The following GALNT9 variants were observed in gnomAD, a reference collection of about 807,000 sequenced individuals.
GALNT9 encodes the protein GalNAc transferase 9.
In GALNT9, 47 loss-of-function variants were observed where a neutral mutation model predicts 63.1. That is an observed-to-expected ratio of 0.75 (90% CI 0.59 to 0.95). GALNT9 has a LOEUF of 0.95. Ranked by LOEUF, GALNT9 falls within the 40% of genes least tolerant of loss-of-function variation. The probability of loss-of-function intolerance (pLI) is 0.00; values close to 1 mark genes in which losing one functional copy is unlikely to be tolerated. For synonymous variants in GALNT9, 396 were observed against 365.7 expected (o/e 1.08, Z -0.94); for missense variants, 829 against 874.8 (o/e 0.95, Z 0.66).
chr12:132,293,587 CAAAGCACAA>C (rs1314078581), intron 1 of GALNT9, among the ~76,000 whole-genome samples: 1 of 152,174 alleles, frequency 6.6e-6, no homozygotes, highest in Non-Finnish European at 1.5e-5. Flanking sequence ...TTGAAATCAC[CAAAGCACAA>C]AAAGCACAAA....
At position 132,319,189 on chromosome 12, in the gene GALNT9, G is replaced by T. The variant is rs1555245930; in HGVS notation, c.238+9777C>A. On this transcript the variant is annotated intron_variant, in intron 1 of 10. Transcript: ENST00000328957. The surrounding 1 kb of genome is among the most constrained non-coding windows in gnomAD (Gnocchi z 5.2). ...GAGGGCCTTGGATGCCCAGGTGGCT[G>T]GAAGTATTGCTTCCAGGTGCGTCTG... Among the ~76,000 whole-genome samples, 1 of 152,210 alleles carries T rather than the reference G, an allele frequency of 6.6e-6. No homozygotes were observed. The highest frequency in any genetic ancestry group is 2.4e-5 in the African/African-American group (1 of 41,454).
Position 132,196,959 on chromosome 12 carries a change from G to A in GALNT9, c.*148C>T, listed in dbSNP as rs760630401. 5.3e-5 allele frequency: 79 copies of A among 1,481,578 alleles called. No homozygotes were observed. Among genetic ancestry groups the A allele is most frequent in the Non-Finnish European group, 6.6e-5 (74 of 1,121,188 alleles). 91.8% of individuals were successfully genotyped at this position (1,481,578 alleles called of 1,614,324 possible). On this transcript the variant is annotated 3_prime_UTR_variant, in exon 11 of 11. Transcript: ENST00000328957. Reference sequence around the variant, plus strand: ...CAGTGGGTGACACCCTGGTCACTCAGCCACACCCCGGCCCCTCAGCCTCTG... The same window carrying A: ...CAGTGGGTGACACCCTGGTCACTCAACCACACCCCGGCCCCTCAGCCTCTG...
At position 132,252,290 on chromosome 12, in the gene GALNT9, T is replaced by C. The variant is rs1053687451; in HGVS notation, c.960-4263A>G. On this transcript the variant is annotated intron_variant, in intron 5 of 10. Transcript: ENST00000328957. This position sits in a 1 kb window ranked among gnomAD's most constrained non-coding sequence, Gnocchi z 5.2. ...GGAAGGGCAGAGAGTCCCAGGCACATGGGCACCTCCTGCAGCCGCATCCCC... is the reference window on the plus strand; with the variant it reads ...GGAAGGGCAGAGAGTCCCAGGCACACGGGCACCTCCTGCAGCCGCATCCCC... Among the ~76,000 whole-genome samples, 18 of 152,158 alleles carry C rather than the reference T, an allele frequency of 1.2e-4. No homozygotes were observed. The highest frequency in any genetic ancestry group is 2.5e-4 in the Non-Finnish European group (17 of 68,008).
At chr12:132,328,043 A>G (rs1869115966) in intron 1 of GALNT9, among the ~76,000 whole-genome samples, 1 of 152,170 alleles carries the variant, frequency 6.6e-6, no homozygotes, top group Admixed American at 6.5e-5. Context: ...TCGGCACGGA[A>G]CGGAAAGCCA....
At chr12:132,301,801 C>T (rs537667158) in intron 1 of GALNT9, among the ~76,000 whole-genome samples, 20 of 152,186 alleles carry the variant, frequency 1.3e-4, no homozygotes, top group Admixed American at 9.8e-4. Flanking sequence ...CAGGGGGGCA[C>T]GGAACATTTG....
chr12:132,305,091 A>G (rs189460976), intron 1 of GALNT9, among the ~76,000 whole-genome samples: 14 of 69,386 alleles, frequency 2.0e-4, no homozygotes, highest in African/African-American at 4.1e-4. Context: ...GCACACCCTC[A>G]CCCGGGCACA....
In GALNT9 at chr12:132,257,728, T is replaced by C. The variant is rs782001596; in HGVS notation, c.920A>G (p.Gln307Arg). The change falls in exon 5 of 11, where the codon CAG becomes CGG. Residue 307 changes from glutamine to arginine, a missense_variant. Gln to Arg is a conservative substitution (Grantham distance 43). Transcript: ENST00000328957. ...GLWCMYIIPP[Q>R]DWLDRGDESA... The stretch of plus-strand genomic sequence containing the variant: ...CTCGTCGCCGCGGTCCAGCCAGTCC[T>C]GCGGGGGGATGATGTACATGCACCA... 6 of 1,550,136 alleles carry C rather than the reference T, an allele frequency of 3.9e-6. No homozygotes were observed. In the African/African-American group the frequency reaches 5.5e-5, roughly 14 times the overall value.
Position 132,236,638 on chromosome 12 carries a change from T to G in GALNT9, c.1077+11272A>C, listed in dbSNP as rs1878013388. 6.6e-6 allele frequency among the ~76,000 whole-genome samples: 1 copy of G among 152,180 alleles called. No individual in the cohort carries two copies. Among genetic ancestry groups the G allele is most frequent in the Non-Finnish European group, 1.5e-5 (1 of 68,022 alleles). ...GAGTCCACCCTTATCTGTACCTGGT[T>G]AAAATAATCAGCGAAAACCAAAGCC... On this transcript the variant is annotated intron_variant, in intron 6 of 10. Transcript: ENST00000328957. The surrounding 1 kb of genome is among the most constrained non-coding windows in gnomAD (Gnocchi z 5.6).
At position 132,252,151 on chromosome 12, in the gene GALNT9, C is replaced by G. The variant is rs1276856347; in HGVS notation, c.960-4124G>C. Among the ~76,000 whole-genome samples, 1 of 152,164 alleles carries G rather than the reference C, an allele frequency of 6.6e-6. No individual in the cohort carries two copies. Among genetic ancestry groups the G allele is most frequent in the Non-Finnish European group, 1.5e-5 (1 of 68,034 alleles). On this transcript the variant is annotated intron_variant, in intron 5 of 10. Transcript: ENST00000328957. This position sits in a 1 kb window ranked among gnomAD's most constrained non-coding sequence, Gnocchi z 5.2. Reference sequence around the variant, plus strand: ...CAACAGGGCAGCCACCTCCACAGGCCCAGGCAGTGAGGCCACACTCCTGCC... The same window carrying G: ...CAACAGGGCAGCCACCTCCACAGGCGCAGGCAGTGAGGCCACACTCCTGCC...
At position 132,197,777 on chromosome 12, in the gene GALNT9, T is replaced by G; in HGVS notation, c.1665+15A>C. On this transcript the variant is annotated intron_variant, in intron 10 of 10. Transcript: ENST00000328957. ...CCCGCCCCAACCCCACGGCCCCCCT[T>G]CCCCAGAGGCTGACCTGGGTGAAGT... 7.1e-7 allele frequency: 1 copy of G among 1,416,444 alleles called. No homozygotes were observed. Among genetic ancestry groups the G allele is most frequent in the Non-Finnish European group, 9.6e-7 (1 of 1,039,730 alleles). The allele number at this position is 1,416,444 out of a possible 1,614,324, so 87.7% of individuals were successfully genotyped here.
intron 6 of GALNT9, among the ~76,000 whole-genome samples, chr12:132,239,110 G>A (rs1178083241): frequency 6.6e-6 from 1 of 151,696 alleles, no homozygotes; most frequent in Non-Finnish European, 1.5e-5. Flanking sequence ...TCAGGATGAG[G>A]GAGAATTTTT....
intron 7 of GALNT9, among the ~76,000 whole-genome samples, chr12:132,202,098 A>T (rs77311602): frequency 0.041 from 6,304 of 152,204 alleles, 433 homozygotes; most frequent in African/African-American, 0.14. Flanking sequence ...TGCCTCAGTT[A>T]CTCATTGGTA....
At chr12:132,201,662 G>T (rs1300963442) in intron 7 of GALNT9, among the ~76,000 whole-genome samples, 1 of 152,208 alleles carries the variant, frequency 6.6e-6, no homozygotes, top group Non-Finnish European at 1.5e-5. Context: ...GCCTGGTGAG[G>T]ACCCTGGATA....
At chr12:132,203,939 G>T (rs1876432727) in intron 6 of GALNT9, among the ~76,000 whole-genome samples, 1 of 152,084 alleles carries the variant, frequency 6.6e-6, no homozygotes, top group Non-Finnish European at 1.5e-5. Context: ...TTACACGATG[G>T]CTGTGGGGAG....
intron 6 of GALNT9, among the ~76,000 whole-genome samples, chr12:132,215,526 C>T (rs533679511): frequency 3.9e-5 from 6 of 152,222 alleles, no homozygotes; most frequent in Admixed American, 6.5e-5. Context: ...GCTGCCATGC[C>T]AGGGCTTGGC....
rs2136896036 is a variant in GALNT9, at chr12:132,238,403, C to T, written c.1077+9507G>A. ...AGACGGCGCACTCATAACCCTACTA[C>T]GGCTTCCTGTAAGGGGGAGTGGAGG... is the stretch of plus-strand genomic sequence containing the variant. On this transcript the variant is annotated intron_variant, in intron 6 of 10. Coordinates refer to ENST00000328957, the MANE Select transcript of GALNT9 (RefSeq NM_001122636.2). This position sits in a 1 kb window ranked among gnomAD's most constrained non-coding sequence, Gnocchi z 6.5. Among the ~76,000 whole-genome samples the T allele has an allele frequency of 0.16, 24,642 of 152,106 alleles. 2,065 individuals are homozygous for T. The highest frequency in any genetic ancestry group is 0.27 in the Middle Eastern group (80 of 292).
intron 10 of GALNT9, 79 bp from the exon 11 acceptor site, chr12:132,197,332 G>A (rs1875583399): frequency 1.1e-5 from 18 of 1,566,094 alleles, no homozygotes; most frequent in South Asian, 9.4e-5. Flanking sequence ...AGGCTGCTTC[G>A]TGCTCTCAGC....
intron 1 of GALNT9, among the ~76,000 whole-genome samples, chr12:132,302,512 C>A (rs28602783): frequency 6.6e-6 from 1 of 152,068 alleles, no homozygotes; most frequent in Non-Finnish European, 1.5e-5. Flanking sequence ...ATTTATTCAC[C>A]CATCCATTAT....
At chr12:132,203,482 C>T in intron 7 of GALNT9, 23 bp downstream of exon 7, 4 of 1,611,780 alleles carry the variant, frequency 2.5e-6, no homozygotes, top group Non-Finnish European at 2.5e-6. Flanking sequence ...ATGGCCCCGG[C>T]TCCCGGCCTG....
Sources: gnomAD v4.1 joint callset for allele counts (sites outside exome capture counted in the v4.1 genomes callset) on GRCh38, gnomAD v4.1.1 for gene constraint, Gnocchi (gnomAD v3.1) non-coding constraint, MANE v1.5 for transcripts, NCBI Gene and HGNC (gene_info 2026-07-23, HGNC 2026-07-21) for gene names.